Variants in EFCAB5 observed in about 807,000 individuals in gnomAD.
EFCAB5 encodes the protein EF-hand calcium binding domain 5.
Under a neutral mutation model 167.9 loss-of-function variants are expected in EFCAB5, and 131 were observed. The observed-to-expected ratio is 0.78, with a 90% CI of 0.68 to 0.90. The LOEUF is 0.90. EFCAB5 is among the 40% of genes least tolerant of loss of function. The pLI is 0.00. For missense variants in EFCAB5, 1,663 were observed against 1,745.2 expected, an observed-to-expected ratio of 0.95 and a Z score of 0.84; for synonymous variants, 574 against 602.8, an observed-to-expected ratio of 0.95 and a Z score of 0.70.
intron 8 of EFCAB5, among the ~76,000 whole-genome samples, chr17:30,037,793 A>G (rs1252501420): frequency 6.6e-6 from 1 of 152,212 alleles, no homozygotes; most frequent in Admixed American, 6.5e-5. Flanking sequence ...ACATGCAAAG[A>G]AAATTCTTGA....
intron 8 of EFCAB5, among the ~76,000 whole-genome samples, chr17:30,035,850 G>A (rs1240427786): frequency 6.6e-6 from 1 of 151,806 alleles, no homozygotes; most frequent in Non-Finnish European, 1.5e-5. Context: ...TGCTTTTCAA[G>A]TATCTTTAAC....
At chr17:29,939,730 C>T (rs2067273981), upstream of EFCAB5, among the ~76,000 whole-genome samples, 1 of 152,216 alleles carries the variant, frequency 6.6e-6, no homozygotes, top group Non-Finnish European at 1.5e-5. Flanking sequence ...TCTCACCTCT[C>T]TCAGCCTTCA....
At chr17:29,959,070 C>A (rs1455085253) in intron 3 of EFCAB5, among the ~76,000 whole-genome samples, 1 of 152,172 alleles carries the variant, frequency 6.6e-6, no homozygotes, top group Non-Finnish European at 1.5e-5. Flanking sequence ...GCTGTGGCCA[C>A]CATCACTGGG....
chr17:29,944,717 G>A (rs535983060), intron 3 of EFCAB5, among the ~76,000 whole-genome samples: 3 of 148,580 alleles, frequency 2.0e-5, no homozygotes, highest in Admixed American at 6.8e-5. Context: ...TCAGCCTCCC[G>A]GGTTCAAGCG....
chr17:30,049,516 AC>A lies in EFCAB5; in HGVS notation c.1201-1601del, dbSNP rs2070026327. Among the ~76,000 whole-genome samples the A allele has an allele frequency of 2.0e-5, 3 of 152,192 alleles. No individual in the cohort carries two copies. The South Asian group carries it at 6.2e-4, about 32-fold the overall frequency. On this transcript the variant is annotated intron_variant, in intron 8 of 22. Transcript: ENST00000394835. ...AAAAACAAAAACAAACAAAAAAAAAACAAAAGAAATAGGCAACTGGTCCCAA... is the reference window on the plus strand; with the variant it reads ...AAAAACAAAAACAAACAAAAAAAAAAAAAAGAAATAGGCAACTGGTCCCAA...
At chr17:30,083,497 C>G (rs758286751) in intron 18 of EFCAB5, among the ~76,000 whole-genome samples, 4 of 152,232 alleles carry the variant, frequency 2.6e-5, no homozygotes, top group Admixed American at 6.5e-5. Context: ...TCTTGTTGCC[C>G]AGGCTGGAGT....
chr17:30,030,783 G>C (rs1190168400), intron 7 of EFCAB5, among the ~76,000 whole-genome samples: 2 of 151,706 alleles, frequency 1.3e-5, no homozygotes, highest in Admixed American at 1.3e-4. Context: ...TCAGCCTCCT[G>C]AGTGGGACTA....
At chr17:30,040,422 C>A (rs2069739061) in intron 8 of EFCAB5, among the ~76,000 whole-genome samples, 1 of 152,196 alleles carries the variant, frequency 6.6e-6, no homozygotes, top group Non-Finnish European at 1.5e-5. Context: ...TTATGGAGAA[C>A]CTTTACTGGA....
At chr17:29,976,838 G>C (rs1261947555) in intron 4 of EFCAB5, among the ~76,000 whole-genome samples, 1 of 152,100 alleles carries the variant, frequency 6.6e-6, no homozygotes, top group Non-Finnish European at 1.5e-5. Flanking sequence ...ATTCATCTCT[G>C]TTAGGTCTCT....
chr17:30,054,213 C>T, intron 10 of EFCAB5, 65 bp downstream of exon 10: 1 of 1,456,970 alleles, frequency 6.9e-7, no homozygotes, highest in Admixed American at 2.9e-5. Flanking sequence ...AAAGTCTTTT[C>T]AGAAAACACT....
At chr17:30,009,274 T>C (rs1447961081) in intron 7 of EFCAB5, among the ~76,000 whole-genome samples, 1 of 152,176 alleles carries the variant, frequency 6.6e-6, no homozygotes, top group Non-Finnish European at 1.5e-5. Context: ...CCATTTAAAG[T>C]GTACAATTGA....
intron 22 of EFCAB5, among the ~76,000 whole-genome samples, chr17:30,104,590 C>T (rs1388982744): frequency 6.6e-6 from 1 of 151,732 alleles, no homozygotes; most frequent in African/African-American, 2.4e-5. Context: ...ATAAAAGAAG[C>T]GTTTATCTGC....
At chr17:30,041,892 CA>C (rs1235243800) in intron 8 of EFCAB5, among the ~76,000 whole-genome samples, 1 of 152,048 alleles carries the variant, frequency 6.6e-6, no homozygotes, top group African/African-American at 2.4e-5. Context: ...CATTTTTTAG[CA>C]ATAAAGTGTT....
In EFCAB5 at chr17:29,933,666, C is replaced by G. The variant is rs114682252; in HGVS notation, c.-127+4337C>G. Among the ~76,000 whole-genome samples the G allele has an allele frequency of 8.4e-3, 1,278 of 152,270 alleles. 12 individuals are homozygous for G. Among genetic ancestry groups the G allele is most frequent in the African/African-American group, 0.027 (1,110 of 41,546 alleles). Reference sequence around the variant, plus strand: ...AGTCCATTTAACCCTTAACTTGTATCAATACTTCTTCCGGGGTGAAATTAT... The same window carrying G: ...AGTCCATTTAACCCTTAACTTGTATGAATACTTCTTCCGGGGTGAAATTAT... On this transcript the variant is annotated intron_variant, in intron 1 of 3. Transcript: ENST00000448319.
chr17:30,015,176 T>C lies in EFCAB5; in HGVS notation c.1044+15200T>C, dbSNP rs561758560. The stretch of plus-strand genomic sequence containing the variant: ...TTTCTGCTGAGAGATCTGCTGTTAG[T>C]ATGATGGGCTTCCCTTTGTGGGTAA... On this transcript the variant is annotated intron_variant, in intron 7 of 22. Coordinates refer to ENST00000394835, the MANE Select transcript of EFCAB5 (RefSeq NM_198529.4). Among the ~76,000 whole-genome samples, 8 of 152,374 alleles carry C rather than the reference T, an allele frequency of 5.3e-5. No homozygotes were observed. In the South Asian group the frequency reaches 8.3e-4, roughly 16 times the overall value.
At chr17:29,988,492 A>T (rs1322682928) in intron 4 of EFCAB5, among the ~76,000 whole-genome samples, 1 of 152,238 alleles carries the variant, frequency 6.6e-6, no homozygotes, top group African/African-American at 2.4e-5. Flanking sequence ...AAGAAGCTTT[A>T]CCATTAGTAG....
intron 9 of EFCAB5, among the ~76,000 whole-genome samples, chr17:30,052,903 C>T (rs911123672): frequency 6.6e-6 from 1 of 152,074 alleles, no homozygotes. Context: ...AAGATGTGTC[C>T]CTTTTCCCAT....
intron 7 of EFCAB5, among the ~76,000 whole-genome samples, chr17:30,033,109 C>T (rs2069521530): frequency 6.6e-6 from 1 of 150,666 alleles, no homozygotes; most frequent in African/African-American, 2.4e-5. Context: ...GACGGAGTCT[C>T]GCACTCTCGC....
intron 3 of EFCAB5, among the ~76,000 whole-genome samples, chr17:29,961,335 T>A (rs142895589): frequency 1.3e-5 from 2 of 152,336 alleles, no homozygotes; most frequent in African/African-American, 4.8e-5. Context: ...TTTTAGAAGT[T>A]CTTTATATAT....
Sources: gnomAD v4.1 joint callset for allele counts (sites outside exome capture counted in the v4.1 genomes callset) on GRCh38, gnomAD v4.1.1 for gene constraint, MANE v1.5 for transcripts, NCBI Gene and HGNC (gene_info 2026-07-23, HGNC 2026-07-21) for gene names.